Variants in GPHN observed in about 807,000 individuals in gnomAD.
GPHN encodes the protein gephyrin.
A neutral mutation model predicts 95.5 loss-of-function variants in GPHN; 17 were observed. The observed-to-expected ratio is 0.18, with a 90% confidence interval of 0.12 to 0.27. GPHN has a LOEUF of 0.27. GPHN is among the 10% of genes least tolerant of loss of function. The pLI, the probability that GPHN is intolerant of heterozygous loss-of-function variation, is 1.00. For synonymous variants in GPHN, 320 were observed against 322.5 expected (o/e 0.99, Z 0.08); for missense variants, 660 against 978.1 (o/e 0.67, Z 4.34).
the GPHN span, among the ~76,000 whole-genome samples, chr14:67,262,370 C>T: frequency 6.6e-6 from 1 of 152,088 alleles, no homozygotes; most frequent in African/African-American, 2.4e-5. Context: ...ATCCCCGCCT[C>T]GAATCCAGAG....
chr14:66,926,462 T>G (rs924646972), intron 8 of GPHN, among the ~76,000 whole-genome samples: 1 of 152,220 alleles, frequency 6.6e-6, no homozygotes, highest in Non-Finnish European at 1.5e-5. Context: ...TTTAATAATC[T>G]GCATATGGAT....
intron 1 of GPHN, among the ~76,000 whole-genome samples, chr14:66,665,440 G>T (rs1706040375): frequency 6.6e-6 from 1 of 152,136 alleles, no homozygotes; most frequent in Non-Finnish European, 1.5e-5. Context: ...GTGAGCGAAG[G>T]ATATGAACAG....
chr14:66,948,944 C>T (rs982515492), intron 8 of GPHN, among the ~76,000 whole-genome samples: 3 of 152,118 alleles, frequency 2.0e-5, no homozygotes, highest in African/African-American at 7.2e-5. Flanking sequence ...AGCACAGGGA[C>T]AGTTTTTTCT....
At chr14:67,095,966 C>CAAAAAAAAAAAAAAAAAAAA in intron 12 of GPHN, among the ~76,000 whole-genome samples, 3 of 67,084 alleles carry the variant, frequency 4.5e-5, no homozygotes, top group Non-Finnish European at 7.1e-5. Flanking sequence ...AAGAAAAAGG[C>CAAAAAAAAAAAAAAAAAAAA]AAAAAAAAAA....
At chr14:67,057,199 G>A (rs558400012) in intron 10 of GPHN, among the ~76,000 whole-genome samples, 1 of 152,338 alleles carries the variant, frequency 6.6e-6, no homozygotes, top group African/African-American at 2.4e-5. Flanking sequence ...TGCCAAGAGT[G>A]AGTGGGGGCT....
At chr14:67,729,241 C>G in the GPHN span, 7 of 1,610,556 alleles carry the variant, frequency 4.3e-6, no homozygotes, top group Non-Finnish European at 5.9e-6. Flanking sequence ...CCGCTCTGAG[C>G]TGGTCCGGCA....
the GPHN span, chr14:67,583,784 G>A: frequency 1.9e-6 from 3 of 1,612,712 alleles, no homozygotes; most frequent in Non-Finnish European, 2.5e-6. Flanking sequence ...CCAGGCCCTG[G>A]AGGCACATCC....
chr14:67,291,366 TAC>T, the GPHN span, among the ~76,000 whole-genome samples: 2 of 152,050 alleles, frequency 1.3e-5, no homozygotes. Flanking sequence ...TAGCTGGGAT[TAC>T]AGGCGCCTGC....
In GPHN at chr14:66,748,067, A is replaced by G. The variant is rs551900381; in HGVS notation, c.144-28397A>G. Reference sequence around the variant, plus strand: ...GCTTATTTTGTCATTCATCTAGCCAATAATATTAATTACTTAATATCACTG... The same window carrying G: ...GCTTATTTTGTCATTCATCTAGCCAGTAATATTAATTACTTAATATCACTG... On this transcript the variant is annotated intron_variant, in intron 2 of 22. Coordinates refer to ENST00000478722, the MANE Select transcript of GPHN (RefSeq NM_020806.5). Among the ~76,000 whole-genome samples the G allele has an allele frequency of 7.9e-5, 12 of 152,184 alleles. No individual in the cohort carries two copies. In the South Asian group the frequency reaches 8.3e-4, roughly 11 times the overall value.
the GPHN span, among the ~76,000 whole-genome samples, chr14:67,469,017 T>G: frequency 6.6e-6 from 1 of 152,224 alleles, no homozygotes; most frequent in Admixed American, 6.5e-5. Context: ...TGTTTCATTT[T>G]GCTTGCCTCT....
At chr14:66,991,140 TA>T (rs1216800588) in intron 9 of GPHN, among the ~76,000 whole-genome samples, 2 of 152,250 alleles carry the variant, frequency 1.3e-5, no homozygotes, top group Admixed American at 1.3e-4. Context: ...TGGGATGTAT[TA>T]GATTATTGAT....
At chr14:66,751,289 G>A (rs1160297716) in intron 2 of GPHN, among the ~76,000 whole-genome samples, 3 of 151,974 alleles carry the variant, frequency 2.0e-5, no homozygotes, top group Admixed American at 6.6e-5. Context: ...CAGAATGGTT[G>A]AACCAATTAT....
intron 8 of GPHN, among the ~76,000 whole-genome samples, chr14:66,926,570 AT>A (rs2153563551): frequency 6.6e-6 from 1 of 152,014 alleles, no homozygotes; most frequent in East Asian, 1.9e-4. Flanking sequence ...ACTTATATGG[AT>A]TTGTTTCTAG....
chr14:67,374,643 C>A, the GPHN span: 1 of 765,050 alleles, frequency 1.3e-6, no homozygotes, highest in Non-Finnish European at 2.0e-6. Context: ...TAAAGTATTG[C>A]TTATGATCTA....
the GPHN span, among the ~76,000 whole-genome samples, chr14:67,392,095 T>A: frequency 6.6e-6 from 1 of 152,210 alleles, no homozygotes; most frequent in African/African-American, 2.4e-5. Context: ...GTGTGTGTAG[T>A]ACATTTTTCC....
intron 5 of GPHN, among the ~76,000 whole-genome samples, chr14:66,883,626 C>G (rs1230548441): frequency 1.3e-5 from 2 of 151,960 alleles, no homozygotes; most frequent in Non-Finnish European, 2.9e-5. Flanking sequence ...AATTATTTAA[C>G]TCCTGTTAAA....
the GPHN span, chr14:67,674,251 G>A: frequency 1.1e-6 from 1 of 875,278 alleles, no homozygotes. Context: ...GCCAGCCCTA[G>A]GGGGCGTGTC....
the GPHN span, among the ~76,000 whole-genome samples, chr14:67,242,460 TATC>T: frequency 6.6e-6 from 1 of 152,206 alleles, no homozygotes; most frequent in Non-Finnish European, 1.5e-5. Flanking sequence ...AAAAAAGCAA[TATC>T]ATGTTTTAAT....
At chr14:66,750,940 T>C (rs933718038) in intron 2 of GPHN, among the ~76,000 whole-genome samples, 1 of 152,008 alleles carries the variant, frequency 6.6e-6, no homozygotes, top group Non-Finnish European at 1.5e-5. Context: ...TCTAATTTTG[T>C]TGGGCTTGGA....
Sources: allele counts gnomAD v4.1 joint callset (sites outside exome capture counted in the v4.1 genomes callset), GRCh38; gene constraint gnomAD v4.1.1; transcripts MANE v1.5; gene names NCBI Gene and HGNC (gene_info 2026-07-23, HGNC 2026-07-21).